The following SCGN variants were observed in gnomAD, a reference collection of about 807,000 sequenced individuals.
SCGN encodes secretagogin.
SCGN carries 30 observed loss-of-function variants against 39.7 expected under a neutral mutation model. The observed-to-expected ratio is 0.76, with a 90% CI of 0.57 to 1.03. The LOEUF (loss-of-function observed/expected upper bound fraction) is 1.03, where lower values mean the gene tolerates loss of function less well. SCGN is among the 50% of genes least tolerant of loss of function. The probability of loss-of-function intolerance (pLI) is 0.00; values close to 1 mark genes in which losing one functional copy is unlikely to be tolerated. For synonymous variants in SCGN, 106 were observed against 114.1 expected (o/e 0.93, Z 0.45); for missense variants, 353 against 349.4 (o/e 1.01, Z -0.08).
At chr6:25,696,700 T>C (rs1759842111) in intron 10 of SCGN, among the ~76,000 whole-genome samples, 1 of 152,194 alleles carries the variant, frequency 6.6e-6, no homozygotes, top group Non-Finnish European at 1.5e-5. Flanking sequence ...TGCTTTCCCA[T>C]TTCCTTCTTC....
At chr6:25,670,112 C>G (rs753410464) in intron 6 of SCGN, 36 bp downstream of exon 6, 1 of 1,378,468 alleles carries the variant, frequency 7.3e-7, no homozygotes, top group Admixed American at 1.7e-5. Flanking sequence ...ATGAGGGCAG[C>G]TCCCCCACTC....
chr6:25,700,730 A>G (rs913311386), intron 10 of SCGN, among the ~76,000 whole-genome samples: 40 of 152,126 alleles, frequency 2.6e-4, no homozygotes, highest in African/African-American at 9.2e-4. Context: ...GCCCCCTAAC[A>G]TATCCCTTGG....
intron 7 of SCGN, among the ~76,000 whole-genome samples, chr6:25,686,699 T>C (rs1395937437): frequency 3.3e-5 from 5 of 152,286 alleles, no homozygotes; most frequent in Admixed American, 2.0e-4. Flanking sequence ...TTTTTAATTC[T>C]CATGAAGTCC....
rs940705036 is a variant in SCGN at position 25,690,977 on chromosome 6, G to T, written c.634-79G>T. 9 of 1,075,270 alleles carry T rather than the reference G, an allele frequency of 8.4e-6. No individual in the cohort carries two copies. The Admixed American group carries it at 1.1e-4, about 13-fold the overall frequency. The allele number at this position is 1,075,270 out of a possible 1,614,324, so 66.6% of individuals were successfully genotyped here. A position where few individuals can be genotyped will look rare whatever the true frequency, so the allele number is the denominator to read the frequency against. On this transcript the variant is annotated intron_variant, in intron 9 of 10. Transcript: ENST00000377961. ...TGCGGCCACACAAGAATACTGATAC[G>T]GTTTATTTACCTAAGTTATTGCCTT...
At chr6:25,665,657 T>A (rs1474113375) in intron 4 of SCGN, among the ~76,000 whole-genome samples, 1 of 152,182 alleles carries the variant, frequency 6.6e-6, no homozygotes, top group Non-Finnish European at 1.5e-5. Context: ...AGATAAGGGT[T>A]TCCCCAAGGC....
chr6:25,691,700 CA>C (rs1370943337), intron 10 of SCGN, among the ~76,000 whole-genome samples: 2 of 152,182 alleles, frequency 1.3e-5, no homozygotes, highest in Non-Finnish European at 2.9e-5. Context: ...TGACCAGCTA[CA>C]TGATCCAGTT....
chr6:25,655,122 A>C (rs1760204979), intron 2 of SCGN, among the ~76,000 whole-genome samples: 1 of 152,236 alleles, frequency 6.6e-6, no homozygotes, highest in African/African-American at 2.4e-5. Flanking sequence ...TCTATCATGG[A>C]CATGGGTATT....
intron 6 of SCGN, among the ~76,000 whole-genome samples, chr6:25,680,963 C>T (rs779199012): frequency 6.6e-6 from 1 of 152,034 alleles, no homozygotes; most frequent in Non-Finnish European, 1.5e-5. Flanking sequence ...TATCTCGCTC[C>T]CTCTTTTTCC....
chr6:25,659,428 G>A (rs1174522130), intron 2 of SCGN, among the ~76,000 whole-genome samples: 3 of 152,188 alleles, frequency 2.0e-5, no homozygotes, highest in Admixed American at 6.5e-5. Context: ...AAATATGCTG[G>A]TTTCAAGATT....
chr6:25,666,172 T>G (rs1352525148), intron 4 of SCGN, among the ~76,000 whole-genome samples: 1 of 113,774 alleles, frequency 8.8e-6, no homozygotes, highest in East Asian at 2.5e-4. Context: ...AAACCCCATC[T>G]CTACTAAAAA....
chr6:25,681,823 C>T, intron 6 of SCGN, 128 bp from the exon 7 acceptor site: 2 of 711,036 alleles, frequency 2.8e-6, no homozygotes, highest in South Asian at 3.2e-5. Context: ...AATTTTCCCC[C>T]AGGCAAGTGG....
chr6:25,678,747 G>A (rs2151380467), intron 6 of SCGN: 1 of 152,384 alleles, frequency 6.6e-6, no homozygotes, highest in Non-Finnish European at 1.5e-5. Context: ...TGCTGTGGCA[G>A]TGGTGGGCAG....
In SCGN at chr6:25,652,292, T is replaced by G; in HGVS notation, c.-112T>G. On this transcript the variant is annotated 5_prime_UTR_variant, in exon 1 of 11. Transcript: ENST00000377961. ...CTCCCCAGCAACAGTTACTCAAAGC[T>G]AATCAGATAGCGAAAGAAGCAGGAG... 1.2e-6 allele frequency: 1 copy of G among 850,510 alleles called. No homozygotes were observed. The highest frequency in any genetic ancestry group is 1.5e-5 in the South Asian group (1 of 67,226). The allele number at this position is 850,510 out of a possible 1,614,324, so 52.7% of individuals were successfully genotyped here.
chr6:25,670,431 G>A lies in SCGN; in HGVS notation c.471+355G>A, dbSNP rs1759481385. Among the ~76,000 whole-genome samples the A allele has an allele frequency of 2.0e-5, 3 of 152,186 alleles. No individual in the cohort carries two copies. The South Asian group carries it at 6.2e-4, about 32-fold the overall frequency. On this transcript the variant is annotated intron_variant, in intron 6 of 10. Transcript: ENST00000377961. ...AATCAGGACCAAACAGATGGAAGCT[G>A]CCTCTCACCACAGTGGATGATTCTC... is the stretch of plus-strand genomic sequence containing the variant.
Position 25,691,226 on chromosome 6 carries a change from A to C in SCGN, c.702+102A>C, listed in dbSNP as rs1165008569. 69 of 863,588 alleles carry C rather than the reference A, an allele frequency of 8.0e-5. No individual in the cohort carries two copies. The East Asian group carries it at 1.5e-3, about 19-fold the overall frequency. 53.5% of individuals were successfully genotyped at this position (863,588 alleles called of 1,614,324 possible). A position where few individuals can be genotyped will look rare whatever the true frequency, so the allele number is the denominator to read the frequency against. ...GAGACTGAAGGTTAATGTCAAAGATAAAATCTAGGGATGTAGTTTATTTAA... is the reference window on the plus strand; with the variant it reads ...GAGACTGAAGGTTAATGTCAAAGATCAAATCTAGGGATGTAGTTTATTTAA... On this transcript the variant is annotated intron_variant, in intron 10 of 10. Coordinates refer to ENST00000377961, the MANE Select transcript of SCGN (RefSeq NM_006998.4).
chr6:25,680,379 G>C (rs1026986680), intron 6 of SCGN, among the ~76,000 whole-genome samples: 1 of 152,126 alleles, frequency 6.6e-6, no homozygotes, highest in African/African-American at 2.4e-5. Context: ...CATCCCTGCT[G>C]GTATACACTC....
At chr6:25,669,090 G>A (rs1759451756) in intron 4 of SCGN, among the ~76,000 whole-genome samples, 1 of 139,088 alleles carries the variant, frequency 7.2e-6, no homozygotes, top group African/African-American at 2.8e-5. Context: ...CAGCCTGGGC[G>A]ACAGAGCGAG....
At chr6:25,684,071 A>G (rs1759671751) in intron 7 of SCGN, among the ~76,000 whole-genome samples, 1 of 152,202 alleles carries the variant, frequency 6.6e-6, no homozygotes. Flanking sequence ...ACAAAATGCT[A>G]GTTGTGCCCC....
intron 6 of SCGN, among the ~76,000 whole-genome samples, chr6:25,679,780 G>A (rs184895937): frequency 7.9e-5 from 12 of 152,178 alleles, no homozygotes; most frequent in Admixed American, 4.6e-4. Context: ...GGAAATCCAC[G>A]TAGAGTCTTT....
Sources: allele counts gnomAD v4.1 joint callset (sites outside exome capture counted in the v4.1 genomes callset), GRCh38; gene constraint gnomAD v4.1.1; transcripts MANE v1.5; gene names NCBI Gene and HGNC (gene_info 2026-07-23, HGNC 2026-07-21).